Variants in DIS3L2 observed in about 807,000 individuals in gnomAD.
DIS3L2 encodes the protein DIS3-like exonuclease 2.
A neutral mutation model predicts 97.5 loss-of-function variants in DIS3L2; 34 were observed. The observed-to-expected ratio is 0.35, with a 90% CI of 0.27 to 0.46. The LOEUF is 0.46. Ranked by LOEUF, DIS3L2 falls within the 20% of genes least tolerant of loss-of-function variation. DIS3L2 has a pLI of 1.00. For missense variants in DIS3L2, 1,038 were observed against 1,146.0 expected, an observed-to-expected ratio of 0.91 and a Z score of 1.36; for synonymous variants, 435 against 445.2, an observed-to-expected ratio of 0.98 and a Z score of 0.29.
Position 232,130,640 on chromosome 2 carries a change from C to G in DIS3L2, c.623C>G (p.Pro208Arg), listed in dbSNP as rs1022276697. The change falls in exon 7 of 21, where the codon CCG (proline) becomes CGG (arginine). Residue 208 changes from proline (P) to arginine (R), a missense_variant. Physicochemically the swap from Pro to Arg is moderately radical, Grantham distance 103. This residue lies in a region of DIS3L2 where 813 missense variants were observed against 880.1 expected (regional missense o/e 0.92). Transcript: ENST00000325385. Reference protein sequence around the residue: ...SEKGREDGDAPVTKDETTCIS... With the variant: ...SEKGREDGDARVTKDETTCIS... ...GTAGGAAGAGAGGATGGTGATGCAC[C>G]GGTTACAAAAGATGAGACCACCTGC... 6.2e-7 allele frequency: 1 copy of G among 1,611,920 alleles called. No homozygotes were observed. The highest frequency in any genetic ancestry group is 8.5e-7 in the Non-Finnish European group (1 of 1,179,018).
intron 10 of DIS3L2, among the ~76,000 whole-genome samples, chr2:232,229,406 C>T (rs1692732013): frequency 1.3e-5 from 2 of 152,182 alleles, no homozygotes; most frequent in Admixed American, 1.3e-4. Context: ...TGTCTTTTGG[C>T]TTTGAGTAAG....
At chr2:232,030,939 GTCT>G (rs1333997058) in intron 5 of DIS3L2, among the ~76,000 whole-genome samples, 2 of 151,918 alleles carry the variant, frequency 1.3e-5, no homozygotes, top group Admixed American at 6.6e-5. Context: ...AGAATTTGGT[GTCT>G]TCTTCAATAA....
chr2:232,335,704 C>T lies in DIS3L2; in HGVS notation c.2395-69C>T, dbSNP rs1193829542. 6 of 1,508,526 alleles carry T rather than the reference C, an allele frequency of 4.0e-6. No homozygotes were observed. In the African/African-American group the frequency reaches 4.2e-5, roughly 10 times the overall value. 93.4% of individuals were successfully genotyped at this position (1,508,526 alleles called of 1,614,324 possible). On this transcript the variant is annotated intron_variant, in intron 19 of 20. Transcript: ENST00000325385. ...TGAGGGCCGCCTCCAAGCATTGAAG[C>T]CCTCCAGGGTGGAAGGGCAGGCAGC...
intron 13 of DIS3L2, among the ~76,000 whole-genome samples, chr2:232,278,810 T>G (rs1219810095): frequency 6.6e-6 from 1 of 152,222 alleles, no homozygotes; most frequent in Non-Finnish European, 1.5e-5. Flanking sequence ...TCCATTTTAC[T>G]TGGGTAAATA....
intron 6 of DIS3L2, among the ~76,000 whole-genome samples, chr2:232,108,580 G>A (rs774150604): frequency 2.2e-4 from 34 of 152,124 alleles, no homozygotes; most frequent in Admixed American, 6.5e-4. Flanking sequence ...AAGAAATAAA[G>A]GTATTTAAAT....
In DIS3L2 at chr2:232,087,701, C is replaced by T. The variant is rs772157269; in HGVS notation, c.581C>T (p.Ser194Leu). 1.2e-5 allele frequency: 20 copies of T among 1,613,846 alleles called. No homozygotes were observed. The highest frequency in any genetic ancestry group is 2.2e-5 in the East Asian group (1 of 44,900). The change falls in exon 6 of 21, where the codon TCA becomes TTA. Residue 194 changes from serine to leucine, a missense_variant. This residue lies in a region of DIS3L2 where 813 missense variants were observed against 880.1 expected (regional missense o/e 0.92). Coordinates refer to ENST00000325385, the MANE Select transcript of DIS3L2 (RefSeq NM_152383.5). ...NVLVDGVKKL[S>L]VCVSEKGRED... Reference sequence around the variant, plus strand: ...CTGGTTGATGGTGTTAAGAAACTCTCAGTTTGTGTTTCTGAGAAAGGTGAG... The same window carrying T: ...CTGGTTGATGGTGTTAAGAAACTCTTAGTTTGTGTTTCTGAGAAAGGTGAG...
chr2:232,024,012 C>T (rs1694589111), intron 3 of DIS3L2, among the ~76,000 whole-genome samples: 1 of 152,084 alleles, frequency 6.6e-6, no homozygotes, highest in African/African-American at 2.4e-5. Context: ...TGCCACTTTC[C>T]CACTCTACGC....
chr2:232,191,506 T>TA (rs1391668862), intron 9 of DIS3L2, among the ~76,000 whole-genome samples: 1 of 152,196 alleles, frequency 6.6e-6, no homozygotes, highest in Non-Finnish European at 1.5e-5. Context: ...AAGTAATCCT[T>TA]AAAAAATCAC....
chr2:232,055,325 G>A (rs11693983), intron 5 of DIS3L2, among the ~76,000 whole-genome samples: 2,139 of 152,252 alleles, frequency 0.014, 23 homozygotes, highest in Non-Finnish European at 0.021. Context: ...TATACATGGA[G>A]AATTTAAAAG....
chr2:232,003,386 T>A (rs1458820340), intron 1 of DIS3L2, among the ~76,000 whole-genome samples: 2 of 152,128 alleles, frequency 1.3e-5, no homozygotes, highest in Non-Finnish European at 2.9e-5. Context: ...TACAGGAAAT[T>A]TTTTTTGGCC....
In DIS3L2 at chr2:232,281,480, T is replaced by C. The variant is rs146331261; in HGVS notation, c.1659+18040T>C. On this transcript the variant is annotated intron_variant, in intron 13 of 20. Coordinates refer to ENST00000325385, the MANE Select transcript of DIS3L2 (RefSeq NM_152383.5). This position sits in a 1 kb window ranked among gnomAD's most constrained non-coding sequence, Gnocchi z 4.1. ...CATTTTACATATAGGAGTTGTGGGA[T>C]GGGACCTCTTTTTTAGAAAGATCTC... Among the ~76,000 whole-genome samples, 517 of 152,322 alleles carry C rather than the reference T, an allele frequency of 3.4e-3. No individual in the cohort carries two copies. Among genetic ancestry groups the C allele is most frequent in the Non-Finnish European group, 5.4e-3 (365 of 68,010 alleles).
At chr2:232,217,641 C>T (rs886571086) in intron 10 of DIS3L2, among the ~76,000 whole-genome samples, 23 of 152,084 alleles carry the variant, frequency 1.5e-4, no homozygotes, top group African/African-American at 3.9e-4. Context: ...GAGTGGCTCA[C>T]GGAAAACTCA....
In DIS3L2 at chr2:232,130,509, G is replaced by T. The variant is rs188984456; in HGVS notation, c.602-110G>T. The T allele has an allele frequency of 7.5e-6, 10 of 1,329,390 alleles. No individual in the cohort carries two copies. The Admixed American group carries it at 2.6e-4, about 35-fold the overall frequency. 82.3% of individuals were successfully genotyped at this position (1,329,390 alleles called of 1,614,324 possible). On this transcript the variant is annotated intron_variant, in intron 6 of 20. Coordinates refer to ENST00000325385, the MANE Select transcript of DIS3L2 (RefSeq NM_152383.5). ...CTGGGGTTCTTCTGTAAAGTGAGTA[G>T]TTTGGGGTAACTGGTATCCAGGCAT...
chr2:232,142,380 G>A lies in DIS3L2; in HGVS notation c.950+5661G>A, dbSNP rs77896151. Among the ~76,000 whole-genome samples, 637 of 152,286 alleles carry A rather than the reference G, an allele frequency of 4.2e-3. 7 individuals are homozygous for A. The highest frequency in any genetic ancestry group is 0.015 in the African/African-American group (606 of 41,576). ...TGATCCAGGCTTAGGTTACCAAATTGTTCCTTTCCTTGATGAGCACTGCAT... is the reference window on the plus strand; with the variant it reads ...TGATCCAGGCTTAGGTTACCAAATTATTCCTTTCCTTGATGAGCACTGCAT... On this transcript the variant is annotated intron_variant, in intron 8 of 20. Coordinates refer to ENST00000325385, the MANE Select transcript of DIS3L2 (RefSeq NM_152383.5).
At chr2:232,266,671 GC>G (rs1384463363) in intron 13 of DIS3L2, among the ~76,000 whole-genome samples, 1 of 152,112 alleles carries the variant, frequency 6.6e-6, no homozygotes, top group Non-Finnish European at 1.5e-5. Context: ...TTGTTCTCCT[GC>G]CCCTACTGCC....
At chr2:232,201,346 A>G (rs1691888110) in intron 9 of DIS3L2, among the ~76,000 whole-genome samples, 1 of 152,224 alleles carries the variant, frequency 6.6e-6, no homozygotes, top group African/African-American at 2.4e-5. Context: ...TACAGAGGAG[A>G]TGAATTTTGT....
chr2:232,330,640 C>T lies in DIS3L2; in HGVS notation c.1924-50C>T, dbSNP rs777734850. The T allele has an allele frequency of 1.9e-6, 3 of 1,591,696 alleles. No homozygotes were observed. In the South Asian group the frequency reaches 3.3e-5, roughly 18 times the overall value. On this transcript the variant is annotated intron_variant, in intron 15 of 20. Transcript: ENST00000325385. ...CAGCGGATGACAGGGCCCAGAGTCTCTGCCCGAGCTGGACCACACGTCACA... is the reference window on the plus strand; with the variant it reads ...CAGCGGATGACAGGGCCCAGAGTCTTTGCCCGAGCTGGACCACACGTCACA...
rs1340335494 is a variant in DIS3L2, at chr2:232,136,733, G to T, written c.950+14G>T. ...TTTTGCCCTGGGGTAGGTGATCTCT[G>T]GTAGGAAAAACCACAGGTCACAGGC... On this transcript the variant is annotated intron_variant, in intron 8 of 20. Coordinates refer to ENST00000325385, the MANE Select transcript of DIS3L2 (RefSeq NM_152383.5). 5.0e-6 allele frequency: 8 copies of T among 1,610,682 alleles called. No individual in the cohort carries two copies. Among genetic ancestry groups the T allele is most frequent in the African/African-American group, 1.3e-5 (1 of 74,796 alleles).
chr2:232,051,798 C>T (rs1308092152), intron 5 of DIS3L2, among the ~76,000 whole-genome samples: 2 of 97,204 alleles, frequency 2.1e-5, no homozygotes, highest in Non-Finnish European at 3.6e-5. Flanking sequence ...GGCGACAGAG[C>T]GAGACTCCGT....
Sources: gnomAD v4.1 joint callset for allele counts (sites outside exome capture counted in the v4.1 genomes callset) on GRCh38, gnomAD v4.1.1 for gene constraint, gnomAD v4.1.1 regional missense constraint, Gnocchi (gnomAD v3.1) non-coding constraint, MANE v1.5 for transcripts, NCBI Gene and HGNC (gene_info 2026-07-23, HGNC 2026-07-21) for gene names.